FAH: variants seen among roughly 807,000 people sequenced by gnomAD.
The protein encoded by FAH is fumarylacetoacetate hydrolase.
In FAH, 47 loss-of-function variants were observed where a neutral mutation model predicts 55.8. That is an observed-to-expected ratio of 0.84 (90% CI 0.67 to 1.07). The LOEUF (loss-of-function observed/expected upper bound fraction) is 1.07. Among genes scored for constraint, FAH ranks in the 50% least tolerant of loss-of-function variants. The pLI is 0.00. For missense variants in FAH, 495 were observed against 545.9 expected (o/e 0.91, Z 0.93); for synonymous variants, 199 against 207.7 (o/e 0.96, Z 0.36).
Position 80,168,056 on chromosome 15 carries a change from C to G in FAH, c.460C>G (p.His154Asp). Residue 154 changes from histidine to aspartate, a missense_variant, in exon 6 of 14, where the codon CAC (histidine) becomes GAC (aspartate). Coordinates refer to ENST00000561421, the MANE Select transcript of FAH (RefSeq NM_000137.4). Reference sequence around the variant, plus strand: ...TCTCTTGCCTTCCTTTCTCAGGCTGCACTTACCAGTGGGCTACCATGGCCG... The same window carrying G: ...TCTCTTGCCTTCCTTTCTCAGGCTGGACTTACCAGTGGGCTACCATGGCCG... The part of the protein sequence containing the change: ...KENALMPNWL[H>D]LPVGYHGRAS... The G allele has an allele frequency of 1.9e-6, 3 of 1,613,780 alleles. No individual in the cohort carries two copies. Among genetic ancestry groups the G allele is most frequent in the Non-Finnish European group, 2.5e-6 (3 of 1,179,692 alleles).
intron 13 of FAH, among the ~76,000 whole-genome samples, chr15:80,184,155 T>G (rs1422455139): frequency 6.6e-6 from 1 of 152,258 alleles, no homozygotes; most frequent in East Asian, 1.9e-4. Flanking sequence ...CTCGCAGGCA[T>G]TTGCACGGAT....
At position 80,153,039 on chromosome 15, in the gene FAH, C is replaced by T. The variant is rs375149490; in HGVS notation, c.-16C>T. 81 of 1,611,080 alleles carry T rather than the reference C, an allele frequency of 5.0e-5. No individual in the cohort carries two copies. In the African/African-American group the frequency reaches 9.2e-4, roughly 18 times the overall value. ...ACGCCACCTTAGGCCCGCAGCCGTGCCGGGTGCTCTTCAGCATGTCCTTCA... is the reference window on the plus strand; with the variant it reads ...ACGCCACCTTAGGCCCGCAGCCGTGTCGGGTGCTCTTCAGCATGTCCTTCA... On this transcript the variant is annotated 5_prime_UTR_variant, in exon 1 of 14. Coordinates refer to ENST00000561421, the MANE Select transcript of FAH (RefSeq NM_000137.4).
chr15:80,153,457 C>T (rs1009072788), intron 1 of FAH, among the ~76,000 whole-genome samples: 2 of 152,202 alleles, frequency 1.3e-5, no homozygotes, highest in African/African-American at 4.8e-5. Flanking sequence ...AGCACACAGG[C>T]ATGCTGCCTA....
rs936183310 is a variant in FAH, at chr15:80,181,200, C to G, written c.1180+41C>G. ...CCCAGCAGCTCGTCTTCCTCCTTGC[C>G]CGCCATGCACTGTTCTAGCTGCGGG... On this transcript the variant is annotated intron_variant, in intron 13 of 13. Transcript: ENST00000561421. The G allele has an allele frequency of 3.6e-6, 5 of 1,392,708 alleles. No homozygotes were observed. The African/African-American group carries it at 7.1e-5, about 20-fold the overall frequency. 86.3% of individuals were successfully genotyped at this position (1,392,708 alleles called of 1,614,324 possible).
chr15:80,183,035 G>A lies in FAH; in HGVS notation c.1180+1876G>A, dbSNP rs546875264. Among the ~76,000 whole-genome samples the A allele has an allele frequency of 1.4e-4, 22 of 152,300 alleles. No individual in the cohort carries two copies. In the South Asian group the frequency reaches 4.6e-3, roughly 32 times the overall value. On this transcript the variant is annotated intron_variant, in intron 13 of 13. Transcript: ENST00000561421. ...GGTATCTAGCAGTTGGAATGCACAT[G>A]TGTTCTTGACATTTGAGCCAGAGAA...
rs1595890728 is a variant in FAH at position 80,160,442 on chromosome 15, A to C, written c.347A>C (p.His116Pro). 6.2e-7 allele frequency: 1 copy of C among 1,614,142 alleles called. No homozygotes were observed. The highest frequency in any genetic ancestry group is 8.5e-7 in the Non-Finnish European group (1 of 1,180,008). ...ATCTCCCAGGCTTCTGCCACGATGCACCTTCCAGCCACCATAGGTGAGTGC... is the reference window on the plus strand; with the variant it reads ...ATCTCCCAGGCTTCTGCCACGATGCCCCTTCCAGCCACCATAGGTGAGTGC... ...AFISQASATM[H>P]LPATIGDYTD... Residue 116 changes from histidine to proline, a missense_variant, in exon 4 of 14, where the codon CAC becomes CCC. His to Pro is a moderately conservative substitution (Grantham distance 77). Transcript: ENST00000561421.
chr15:80,181,032 T>G lies in FAH; in HGVS notation c.1063-10T>G. 1 of 1,603,910 alleles carries G rather than the reference T, an allele frequency of 6.2e-7. No homozygotes were observed. Among genetic ancestry groups the G allele is most frequent in the Admixed American group, 1.7e-5 (1 of 59,972 alleles). On this transcript the variant is annotated splice_polypyrimidine_tract_variant and intron_variant, in intron 12 of 13. Transcript: ENST00000561421. ...TCATGTTATTCTTTCTTCCCTTTCC[T>G]GTGATGAAGGAGCCAGAAAACTTCG...
intron 6 of FAH, 38 bp from the exon 7 acceptor site, chr15:80,168,226 A>G: frequency 3.7e-6 from 6 of 1,604,230 alleles, no homozygotes; most frequent in African/African-American, 1.4e-5. Flanking sequence ...GGCCTCACTC[A>G]CAGCACCGTT....
At chr15:80,157,565 C>G (rs1201657935) in intron 1 of FAH, 2 of 199,804 alleles carry the variant, frequency 1.0e-5, no homozygotes, top group Non-Finnish European at 2.1e-5. Context: ...GAGCTCTCCT[C>G]CATTTGAGCT....
At chr15:80,181,838 C>T (rs1218479135) in intron 13 of FAH, among the ~76,000 whole-genome samples, 1 of 121,714 alleles carries the variant, frequency 8.2e-6, no homozygotes, top group East Asian at 3.1e-4. Flanking sequence ...CTCCATCTCC[C>T]AGGTTCAAGC....
chr15:80,154,340 G>A (rs753484741), intron 1 of FAH, among the ~76,000 whole-genome samples: 12 of 152,252 alleles, frequency 7.9e-5, no homozygotes, highest in Non-Finnish European at 1.3e-4. Flanking sequence ...GCACACCCCA[G>A]TAGGGAGCTC....
In FAH at chr15:80,182,438, G is replaced by A. The variant is rs2041339337; in HGVS notation, c.1180+1279G>A. 5.3e-5 allele frequency among the ~76,000 whole-genome samples: 8 copies of A among 152,196 alleles called. No individual in the cohort carries two copies. The South Asian group carries it at 1.7e-3, about 31-fold the overall frequency. On this transcript the variant is annotated intron_variant, in intron 13 of 13. Transcript: ENST00000561421. ...GCTGTTGGTTAGTTCTTTGAATAAA[G>A]TGGATTTGGTAGAGAAGATGCAGGC...
chr15:80,160,923 C>A (rs1055213539), intron 4 of FAH, among the ~76,000 whole-genome samples: 1 of 152,210 alleles, frequency 6.6e-6, no homozygotes, highest in African/African-American at 2.4e-5. Context: ...GCTGGCTCAG[C>A]CTGCGGCCCA....
At chr15:80,161,572 T>C (rs11856427) in intron 4 of FAH, among the ~76,000 whole-genome samples, 25,979 of 152,176 alleles carry the variant, frequency 0.17, 3,135 homozygotes, top group African/African-American at 0.33. Flanking sequence ...GCTTGCTGGC[T>C]AGCCCATTCA....
In FAH at chr15:80,173,421, G is replaced by A. The variant is rs148725050; in HGVS notation, c.837+277G>A. On this transcript the variant is annotated intron_variant, in intron 9 of 13. Transcript: ENST00000561421. ...AATCTTGCAAGACCCGGGGGATCTG[G>A]CCAGTTGGCAGGAGGAGTCCCTGCA... is the stretch of plus-strand genomic sequence containing the variant. 3,061 of 538,944 alleles carry A rather than the reference G, an allele frequency of 5.7e-3. 18 individuals are homozygous for A. Among genetic ancestry groups the A allele is most frequent in the Non-Finnish European group, 7.1e-3 (2,121 of 297,912 alleles). The allele number at this position is 538,944 out of a possible 1,614,324, so 33.4% of individuals were successfully genotyped here.
chr15:80,159,989 G>T, intron 3 of FAH, 112 bp downstream of exon 3: 1 of 1,389,410 alleles, frequency 7.2e-7, no homozygotes, highest in South Asian at 1.3e-5. Flanking sequence ...GTGTGGCCAA[G>T]TCAGACCTGC....
At chr15:80,175,953 C>T (rs551655571) in intron 10 of FAH, among the ~76,000 whole-genome samples, 2 of 152,360 alleles carry the variant, frequency 1.3e-5, no homozygotes, top group African/African-American at 4.8e-5. Context: ...ACACACAGAC[C>T]TCCTAGCCAC....
At chr15:80,167,881 T>G (rs1337041837) in intron 5 of FAH, among the ~76,000 whole-genome samples, 171 bp from the exon 6 acceptor site, 4 of 152,150 alleles carry the variant, frequency 2.6e-5, no homozygotes, top group Non-Finnish European at 1.5e-5. Context: ...TGTATGTATG[T>G]ACCACAGTTT....
In FAH at chr15:80,175,051, G is replaced by C. The variant is rs1458888783; in HGVS notation, c.873G>C (p.Glu291Asp). 1.2e-6 allele frequency: 2 copies of C among 1,614,164 alleles called. No individual in the cohort carries two copies. Among genetic ancestry groups the C allele is most frequent in the Non-Finnish European group, 1.7e-6 (2 of 1,180,022 alleles). Residue 291 changes from glutamate to aspartate, a missense_variant, in exon 10 of 14, where the codon GAG becomes GAC. Coordinates refer to ENST00000561421, the MANE Select transcript of FAH (RefSeq NM_000137.4). ...CCCTGCCGTATCTGTGCCATGACGA[G>C]CCCTACACATTTGACATCAACCTCT... The part of the protein sequence containing the change: ...PRPLPYLCHD[E>D]PYTFDINLSV...
Sources: gnomAD v4.1 joint callset for allele counts (sites outside exome capture counted in the v4.1 genomes callset) on GRCh38, gnomAD v4.1.1 for gene constraint, MANE v1.5 for transcripts, NCBI Gene and HGNC (gene_info 2026-07-23, HGNC 2026-07-21) for gene names.